The following TOX3 variants were observed in gnomAD, a reference collection of about 807,000 sequenced individuals.
TOX3 encodes CAG trinucleotide repeat-containing gene F9 protein.
A neutral mutation model predicts 64.3 loss-of-function variants in TOX3; 22 were observed. The ratio of observed to expected loss-of-function variants is 0.34; its 90% CI spans 0.24 to 0.49. The LOEUF is 0.49. Among genes scored for constraint, TOX3 ranks in the 20% least tolerant of loss-of-function variants. The pLI is 0.99. For missense variants in TOX3, 661 were observed against 714.4 expected (o/e 0.93, Z 0.85); for synonymous variants, 291 against 273.6 (o/e 1.06, Z -0.63).
chr16:52,439,262 G>A lies in TOX3; in HGVS notation c.1694C>T (p.Thr565Ile). The A allele has an allele frequency of 1.2e-6, 2 of 1,613,932 alleles. No homozygotes were observed. Among genetic ancestry groups the A allele is most frequent in the South Asian group, 2.2e-5 (2 of 91,074 alleles). ...QQHQSQIQSQ[T>I]QTQVLSQVSI... ...GACCTGCGATAATACTTGAGTCTGT[G>A]TCTGAGACTGTATTTGCGACTGGTG... Residue 565 changes from threonine to isoleucine, a missense_variant, in exon 7 of 7, where the codon ACA becomes ATA. Transcript: ENST00000219746.
chr16:52,497,310 T>G (rs1961875047), intron 1 of TOX3, among the ~76,000 whole-genome samples: 1 of 152,218 alleles, frequency 6.6e-6, no homozygotes, highest in African/African-American at 2.4e-5. Context: ...AAGAAACACA[T>G]TGCCAAGGAG....
At chr16:52,541,556 GT>G (rs771499195) in intron 1 of TOX3, among the ~76,000 whole-genome samples, 5 of 152,280 alleles carry the variant, frequency 3.3e-5, no homozygotes, top group Non-Finnish European at 7.4e-5. Flanking sequence ...TATATGCAAA[GT>G]TTTTTAGATA....
chr16:52,452,416 C>G (rs1046334308), intron 3 of TOX3, among the ~76,000 whole-genome samples: 4 of 151,854 alleles, frequency 2.6e-5, no homozygotes, highest in African/African-American at 7.3e-5. Context: ...AGGACATGAA[C>G]TCTTCATTTT....
intron 6 of TOX3, among the ~76,000 whole-genome samples, chr16:52,441,096 G>A (rs1256673414): frequency 6.6e-5 from 10 of 152,082 alleles, no homozygotes. Context: ...CAGAGGTTGT[G>A]AGAATTAAAT....
intron 1 of TOX3, among the ~76,000 whole-genome samples, chr16:52,523,265 C>T (rs1475946163): frequency 1.3e-5 from 2 of 152,016 alleles, no homozygotes; most frequent in African/African-American, 2.4e-5. Flanking sequence ...TGGGCGTGTG[C>T]CAGGGGTTTC....
At chr16:52,441,494 A>G (rs1003783428) in intron 6 of TOX3, among the ~76,000 whole-genome samples, 2 of 152,224 alleles carry the variant, frequency 1.3e-5, no homozygotes, top group African/African-American at 4.8e-5. Flanking sequence ...TGTACTAAAA[A>G]CACTTCACTG....
rs117245313 is a variant in TOX3 at position 52,491,937 on chromosome 16, A to G, written c.88-23363T>C. 5.4e-4 allele frequency among the ~76,000 whole-genome samples: 82 copies of G among 152,198 alleles called. No individual in the cohort carries two copies. The East Asian group carries it at 0.015, about 28-fold the overall frequency. Reference sequence around the variant, plus strand: ...ATGAAAGAAAGTACCACGGCCACAGATGAAGCTGCGCTCGGGGCTACACAC... The same window carrying G: ...ATGAAAGAAAGTACCACGGCCACAGGTGAAGCTGCGCTCGGGGCTACACAC... On this transcript the variant is annotated intron_variant, in intron 1 of 6. Coordinates refer to ENST00000219746, the MANE Select transcript of TOX3 (RefSeq NM_001080430.4).
At chr16:52,470,774 T>C (rs989803526) in intron 1 of TOX3, among the ~76,000 whole-genome samples, 2 of 152,240 alleles carry the variant, frequency 1.3e-5, no homozygotes, top group Admixed American at 6.5e-5. Flanking sequence ...GTGGTCCAGG[T>C]AATTTGAAAC....
chr16:52,547,047 G>A lies in TOX3; in HGVS notation c.-324C>T, dbSNP rs1251825086. 1 of 711,888 alleles carries A rather than the reference G, an allele frequency of 1.4e-6. No individual in the cohort carries two copies. The highest frequency in any genetic ancestry group is 1.7e-6 in the Non-Finnish European group (1 of 582,522). 44.1% of individuals were successfully genotyped at this position (711,888 alleles called of 1,614,324 possible). On this transcript the variant is annotated 5_prime_UTR_variant, in exon 1 of 7. Coordinates refer to ENST00000219746, the MANE Select transcript of TOX3 (RefSeq NM_001080430.4). Reference sequence around the variant, plus strand: ...GGCCCGGGTCGGCGAGGCGAGTTCAGGTGCGCTGGGCGAGGCTGGGACGGC... The same window carrying A: ...GGCCCGGGTCGGCGAGGCGAGTTCAAGTGCGCTGGGCGAGGCTGGGACGGC...
chr16:52,493,500 T>C (rs981430590), intron 1 of TOX3, among the ~76,000 whole-genome samples: 1 of 152,226 alleles, frequency 6.6e-6, no homozygotes, highest in African/African-American at 2.4e-5. Context: ...AGGTACATTT[T>C]ATGCCAAATA....
intron 1 of TOX3, among the ~76,000 whole-genome samples, chr16:52,518,331 C>T (rs973514960): frequency 6.6e-6 from 1 of 152,168 alleles, no homozygotes; most frequent in African/African-American, 2.4e-5. Flanking sequence ...TCTGCCAGAG[C>T]TGTATAAATT....
chr16:52,440,890 A>G (rs1391897789), intron 6 of TOX3, among the ~76,000 whole-genome samples: 1 of 149,812 alleles, frequency 6.7e-6, no homozygotes, highest in Non-Finnish European at 1.5e-5. Flanking sequence ...CCTCCCAAGT[A>G]GCTGGCACTA....
intron 1 of TOX3, among the ~76,000 whole-genome samples, chr16:52,536,676 T>TATATATATATACAC (rs1555488494): frequency 1.3e-5 from 1 of 78,386 alleles, no homozygotes; most frequent in African/African-American, 4.6e-5. Flanking sequence ...TATATATATA[T>TATATATATATACAC]ACATGTGTAT....
At chr16:52,466,782 C>T (rs1960879361) in intron 2 of TOX3, among the ~76,000 whole-genome samples, 1 of 151,670 alleles carries the variant, frequency 6.6e-6, no homozygotes, top group Non-Finnish European at 1.5e-5. Context: ...ACTGAAATAA[C>T]CAAGAAAATG....
chr16:52,442,406 A>G (rs1960025175), intron 6 of TOX3, among the ~76,000 whole-genome samples: 1 of 152,152 alleles, frequency 6.6e-6, no homozygotes, highest in Admixed American at 6.5e-5. Flanking sequence ...GATCGACTTC[A>G]TTTCCCTTAT....
At chr16:52,525,078 T>G (rs1384832749) in intron 1 of TOX3, among the ~76,000 whole-genome samples, 1 of 152,184 alleles carries the variant, frequency 6.6e-6, no homozygotes, top group Non-Finnish European at 1.5e-5. Context: ...AAAAATAAAT[T>G]TGCAGGTCCT....
chr16:52,545,302 A>G (rs1963150855), intron 1 of TOX3, among the ~76,000 whole-genome samples: 1 of 152,160 alleles, frequency 6.6e-6, no homozygotes, highest in Admixed American at 6.5e-5. Flanking sequence ...CCCTCGATCT[A>G]TATTTTTTGG....
intron 1 of TOX3, among the ~76,000 whole-genome samples, chr16:52,482,524 A>C (rs1376129461): frequency 1.3e-5 from 2 of 152,214 alleles, no homozygotes; most frequent in Admixed American, 6.5e-5. Context: ...TTCTTAAAAC[A>C]ACCACAAAAG....
At chr16:52,471,233 C>T (rs10852413) in intron 1 of TOX3, among the ~76,000 whole-genome samples, 81,734 of 151,934 alleles carry the variant, frequency 0.54, 22,325 homozygotes, top group East Asian at 0.78. Context: ...AATCTGGCTA[C>T]CCTACCATGG....
Sources: gnomAD v4.1 joint callset for allele counts (sites outside exome capture counted in the v4.1 genomes callset) on GRCh38, gnomAD v4.1.1 for gene constraint, MANE v1.5 for transcripts, NCBI Gene and HGNC (gene_info 2026-07-23, HGNC 2026-07-21) for gene names.